PDZRN3: variants seen among roughly 807,000 people sequenced by gnomAD.
PDZRN3 encodes the protein PDZ domain containing ring finger 3, also known as E3 ubiquitin-protein ligase PDZRN3.
A neutral mutation model predicts 85.7 loss-of-function variants in PDZRN3; 38 were observed. The observed-to-expected ratio is 0.44, with a 90% CI of 0.34 to 0.58. The LOEUF (loss-of-function observed/expected upper bound fraction) is 0.58, where lower values mean the gene tolerates loss of function less well. PDZRN3 is among the 20% of genes least tolerant of loss of function. The pLI, the probability that PDZRN3 is intolerant of heterozygous loss-of-function variation, is 0.01. For synonymous variants in PDZRN3, 759 were observed against 638.0 expected, an observed-to-expected ratio of 1.19 and a Z score of -2.86; for missense variants, 1,629 against 1,506.4, an observed-to-expected ratio of 1.08 and a Z score of -1.35.
Position 73,449,615 on chromosome 3 carries a change from G to C in PDZRN3, c.919-45220C>G, listed in dbSNP as rs754938835. On this transcript the variant is annotated intron_variant, in intron 3 of 9. Transcript: ENST00000263666. ...TATCCCACGCCTCACTGTTAAATAAGCGAACAACGCGTGTAAAATTACATA... is the reference window on the plus strand; with the variant it reads ...TATCCCACGCCTCACTGTTAAATAACCGAACAACGCGTGTAAAATTACATA... Among the ~76,000 whole-genome samples the C allele has an allele frequency of 1.1e-4, 17 of 152,234 alleles. No individual in the cohort carries two copies. In the South Asian group the frequency reaches 2.3e-3, roughly 20 times the overall value.
intron 3 of PDZRN3, among the ~76,000 whole-genome samples, chr3:73,558,222 G>GAA (rs5850120): frequency 0.035 from 5,009 of 144,954 alleles, 116 homozygotes; most frequent in African/African-American, 0.052. Context: ...TTGGGTATGT[G>GAA]AAAAAAAAAA....
intron 3 of PDZRN3, among the ~76,000 whole-genome samples, chr3:73,562,201 G>A (rs1348223284): frequency 6.6e-6 from 1 of 152,106 alleles, no homozygotes; most frequent in Admixed American, 6.5e-5. Flanking sequence ...CACAGTGGGA[G>A]CTAAATAACC....
chr3:73,571,678 C>A (rs975851570), intron 3 of PDZRN3, among the ~76,000 whole-genome samples: 1 of 152,174 alleles, frequency 6.6e-6, no homozygotes, highest in Non-Finnish European at 1.5e-5. Flanking sequence ...GAGAGTCCTG[C>A]CCCCAGAGAA....
At chr3:73,542,037 T>C (rs1045662691) in intron 3 of PDZRN3, among the ~76,000 whole-genome samples, 2 of 152,022 alleles carry the variant, frequency 1.3e-5, no homozygotes, top group Non-Finnish European at 2.9e-5. Flanking sequence ...CCTAAAATTA[T>C]GGGGAAAAAA....
At chr3:73,386,025 T>C (rs76020461) in intron 8 of PDZRN3, among the ~76,000 whole-genome samples, 197 of 152,138 alleles carry the variant, frequency 1.3e-3, no homozygotes, top group African/African-American at 4.4e-3. Flanking sequence ...ATTTTTTTTT[T>C]TCAGGGTGAA....
chr3:73,591,758 C>T (rs1452422926), intron 3 of PDZRN3, among the ~76,000 whole-genome samples: 4 of 152,096 alleles, frequency 2.6e-5, no homozygotes, highest in Non-Finnish European at 4.4e-5. Context: ...AGAAGTTTCC[C>T]CAAGATCATG....
At chr3:73,505,376 C>T (rs1372279981) in intron 3 of PDZRN3, among the ~76,000 whole-genome samples, 1 of 152,126 alleles carries the variant, frequency 6.6e-6, no homozygotes, top group African/African-American at 2.4e-5. Flanking sequence ...TTTACTCCAT[C>T]AAGATTTTTG....
intron 3 of PDZRN3, among the ~76,000 whole-genome samples, chr3:73,525,002 T>C (rs1419844911): frequency 6.7e-6 from 1 of 148,498 alleles, no homozygotes; most frequent in Non-Finnish European, 1.5e-5. Context: ...TATAAATTTA[T>C]AATAAAATAT....
intron 3 of PDZRN3, among the ~76,000 whole-genome samples, chr3:73,489,867 C>T (rs894309981): frequency 1.6e-4 from 25 of 151,974 alleles, no homozygotes; most frequent in Admixed American, 1.2e-3. Context: ...CCACCACGCC[C>T]GGCCGGTAGT....
intron 3 of PDZRN3, chr3:73,404,596 G>C (rs1274259864): frequency 1.9e-6 from 1 of 536,836 alleles, no homozygotes; most frequent in African/African-American, 1.9e-5. Flanking sequence ...ATTCAGATCT[G>C]GCATGCAATA....
At chr3:73,414,924 C>T (rs1268490591) in intron 3 of PDZRN3, among the ~76,000 whole-genome samples, 1 of 152,222 alleles carries the variant, frequency 6.6e-6, no homozygotes, top group African/African-American at 2.4e-5. Flanking sequence ...TCATCTTTTG[C>T]TTCTTTGAAT....
chr3:73,433,917 T>C (rs1559677550), intron 3 of PDZRN3: 1 of 1,417,920 alleles, frequency 7.1e-7, no homozygotes, highest in Non-Finnish European at 9.2e-7. Context: ...CATGCATGCA[T>C]GCACGCGCGT....
intron 3 of PDZRN3, among the ~76,000 whole-genome samples, chr3:73,444,756 C>G (rs144019100): frequency 1.8e-4 from 27 of 152,286 alleles, no homozygotes; most frequent in Admixed American, 3.9e-4. Context: ...ACTCTTGGGG[C>G]CATGCTTTTT....
At chr3:73,429,507 T>C (rs960645214) in intron 3 of PDZRN3, among the ~76,000 whole-genome samples, 4 of 152,240 alleles carry the variant, frequency 2.6e-5, no homozygotes, top group Non-Finnish European at 5.9e-5. Flanking sequence ...CTAGCTAATA[T>C]GCAAGCAGGA....
At chr3:73,460,265 G>A (rs1703077028) in intron 3 of PDZRN3, among the ~76,000 whole-genome samples, 5 of 152,120 alleles carry the variant, frequency 3.3e-5, no homozygotes, top group Admixed American at 2.6e-4. Flanking sequence ...ATATCAATAG[G>A]TGAGAGTGCG....
intron 3 of PDZRN3, among the ~76,000 whole-genome samples, chr3:73,462,576 T>C (rs1703130484): frequency 6.7e-6 from 1 of 149,826 alleles, no homozygotes; most frequent in African/African-American, 2.4e-5. Flanking sequence ...CTTGATTCCA[T>C]TTGGGTCTAG....
chr3:73,505,726 A>G (rs1330514341), intron 3 of PDZRN3, among the ~76,000 whole-genome samples: 1 of 152,172 alleles, frequency 6.6e-6, no homozygotes. Flanking sequence ...CACATATTCA[A>G]ACTGCATCAG....
At chr3:73,477,666 G>C (rs911407047) in intron 3 of PDZRN3, among the ~76,000 whole-genome samples, 3 of 152,076 alleles carry the variant, frequency 2.0e-5, no homozygotes, top group African/African-American at 7.2e-5. Context: ...TGACATTTAG[G>C]GTATGGAACT....
intron 3 of PDZRN3, among the ~76,000 whole-genome samples, chr3:73,536,802 G>A (rs1204782185): frequency 1.3e-5 from 2 of 152,062 alleles, no homozygotes; most frequent in Non-Finnish European, 2.9e-5. Flanking sequence ...AATGGACTCT[G>A]AGATAAATAT....
Sources: allele counts gnomAD v4.1 joint callset (sites outside exome capture counted in the v4.1 genomes callset), GRCh38; gene constraint gnomAD v4.1.1; transcripts MANE v1.5; gene names NCBI Gene and HGNC (gene_info 2026-07-23, HGNC 2026-07-21).